The following MGAT5 variants were observed in gnomAD, a reference collection of about 807,000 sequenced individuals.
The protein encoded by MGAT5 is alpha-1,6-mannosylglycoprotein 6-beta-N-acetylglucosaminyltransferase A.
MGAT5 carries 30 observed loss-of-function variants against 94.3 expected under a neutral mutation model. That is an observed-to-expected ratio of 0.32 (90% CI 0.24 to 0.43). The LOEUF is 0.43. Among genes scored for constraint, MGAT5 ranks in the 20% least tolerant of loss-of-function variants. The pLI, the probability that MGAT5 is intolerant of heterozygous loss-of-function variation, is 1.00. For missense variants in MGAT5, 691 were observed against 905.5 expected, an observed-to-expected ratio of 0.76 and a Z score of 3.04; for synonymous variants, 310 against 322.9, an observed-to-expected ratio of 0.96 and a Z score of 0.43.
intron 2 of MGAT5, among the ~76,000 whole-genome samples, chr2:134,302,559 C>A (rs1686082858): frequency 6.6e-6 from 1 of 151,992 alleles, no homozygotes; most frequent in Non-Finnish European, 1.5e-5. Context: ...CAACCTAGAG[C>A]TTCTTTTATT....
intron 6 of MGAT5, among the ~76,000 whole-genome samples, chr2:134,339,485 T>C (rs938925360): frequency 8.5e-5 from 13 of 152,128 alleles, no homozygotes; most frequent in African/African-American, 3.1e-4. Context: ...AAATTAAAAA[T>C]AAAGGAGATG....
At chr2:134,304,219 G>T (rs934914422) in intron 2 of MGAT5, among the ~76,000 whole-genome samples, 1 of 152,144 alleles carries the variant, frequency 6.6e-6, no homozygotes, top group African/African-American at 2.4e-5. Flanking sequence ...ATGCATGCTA[G>T]CTCTTTTCTG....
At chr2:134,221,218 G>A (rs953110190) in intron 1 of MGAT5, among the ~76,000 whole-genome samples, 2 of 152,182 alleles carry the variant, frequency 1.3e-5, no homozygotes, top group Admixed American at 6.5e-5. Flanking sequence ...TTGGTTTTAT[G>A]TATTTTAGGA....
intron 1 of MGAT5, among the ~76,000 whole-genome samples, chr2:134,208,057 G>A (rs1311149189): frequency 1.3e-5 from 2 of 152,076 alleles, no homozygotes; most frequent in African/African-American, 2.4e-5. Context: ...TTGTAGTGAG[G>A]CCTGCCTAGG....
rs753997389 is a variant in MGAT5 at position 134,402,994 on chromosome 2, A to G, written c.1387A>G (p.Lys463Glu). ...GKVDSFWKNK[K>E]IYLDIIHTYM... ...TGCTTGTTTTCTTCTTTAGAATAAG[A>G]AGATCTACTTGGACATTATTCACAC... Residue 463 changes from lysine to glutamate, a missense_variant, in exon 11 of 16, where the codon AAG becomes GAG. Transcript: ENST00000281923. 1.3e-6 allele frequency: 2 copies of G among 1,587,172 alleles called. No individual in the cohort carries two copies. The highest frequency in any genetic ancestry group is 1.4e-5 in the African/African-American group (1 of 73,510).
chr2:134,400,231 G>A (rs745702311), intron 10 of MGAT5, among the ~76,000 whole-genome samples: 38 of 152,198 alleles, frequency 2.5e-4, no homozygotes, highest in Non-Finnish European at 5.0e-4. Context: ...AATAGGCAGC[G>A]TGGTTCATCT....
At chr2:134,191,539 G>A (rs1330385726) in intron 1 of MGAT5, among the ~76,000 whole-genome samples, 1 of 151,416 alleles carries the variant, frequency 6.6e-6, no homozygotes, top group Non-Finnish European at 1.5e-5. Flanking sequence ...CCTTGCGGGA[G>A]CGGGTTCCTG....
chr2:134,323,184 A>T (rs935472), intron 4 of MGAT5, among the ~76,000 whole-genome samples: 1 of 152,106 alleles, frequency 6.6e-6, no homozygotes, highest in Non-Finnish European at 1.5e-5. Flanking sequence ...TCCCAGGAAG[A>T]AAAGCCATCA....
intron 1 of MGAT5, among the ~76,000 whole-genome samples, chr2:134,124,109 C>T (rs149981615): frequency 1.2e-3 from 182 of 152,302 alleles, no homozygotes; most frequent in African/African-American, 3.8e-3. Context: ...GTGCACTGGG[C>T]TGGTGCTGGG....
Position 134,422,786 on chromosome 2 carries a change from G to A in MGAT5, c.1678-17G>A, listed in dbSNP as rs903454387. 4 of 1,605,700 alleles carry A rather than the reference G, an allele frequency of 2.5e-6. No individual in the cohort carries two copies. Among genetic ancestry groups the A allele is most frequent in the African/African-American group, 2.7e-5 (2 of 74,740 alleles). ...TAAAAATTGCTTGTGAGACTGAGGT[G>A]TTCGGTTCTTTTCCAGCTGACATCC... On this transcript the variant is annotated splice_polypyrimidine_tract_variant and intron_variant, in intron 12 of 15. Coordinates refer to ENST00000281923, the MANE Select transcript of MGAT5 (RefSeq NM_002410.5).
intron 1 of MGAT5, among the ~76,000 whole-genome samples, chr2:134,189,602 G>GTTTTTTTTTTTTGTTTTT (rs1553490381): frequency 1.2e-5 from 1 of 84,672 alleles, no homozygotes; most frequent in South Asian, 4.2e-4. Flanking sequence ...GTTTTTTTTT[G>GTTTTTTTTTTTTGTTTTT]TTTTTTTTTT....
At position 134,254,634 on chromosome 2, in the gene MGAT5, G is replaced by A; in HGVS notation, c.231G>A (p.Met77Ile). 1 of 1,614,208 alleles carries A rather than the reference G, an allele frequency of 6.2e-7. No individual in the cohort carries two copies. Among genetic ancestry groups the A allele is most frequent in the Non-Finnish European group, 8.5e-7 (1 of 1,180,036 alleles). Residue 77 changes from methionine (M) to isoleucine (I), a missense_variant, in exon 1 of 16, where the codon ATG becomes ATA. Met to Ile is a conservative substitution (Grantham distance 10). This residue lies in a region of MGAT5 where 307 missense variants were observed against 335.4 expected (regional missense o/e 0.92). Coordinates refer to ENST00000281923, the MANE Select transcript of MGAT5 (RefSeq NM_002410.5). ...NVVDGPYAGV[M>I]TAYDLKKTLA... is the part of the protein sequence containing the mutation. The stretch of plus-strand genomic sequence containing the variant: ...TGGATGGGCCATACGCTGGAGTCAT[G>A]ACAGCTTATGGTAAGCACTGTTTCT...
At chr2:134,313,467 C>G (rs1686818855) in intron 2 of MGAT5, among the ~76,000 whole-genome samples, 1 of 151,456 alleles carries the variant, frequency 6.6e-6, no homozygotes, top group Non-Finnish European at 1.5e-5. Context: ...TTGCCAGTGC[C>G]ATAGGATCAT....
chr2:134,334,400 T>C (rs765757365), intron 4 of MGAT5, among the ~76,000 whole-genome samples: 6 of 151,846 alleles, frequency 4.0e-5, no homozygotes, highest in Admixed American at 6.6e-5. Context: ...CCCATCATGC[T>C]ATTCCTGGGA....
At chr2:134,291,046 T>C (rs1046178813) in intron 2 of MGAT5, among the ~76,000 whole-genome samples, 1 of 152,152 alleles carries the variant, frequency 6.6e-6, no homozygotes, top group African/African-American at 2.4e-5. Flanking sequence ...TTACATGTAA[T>C]GTCAAGGAGT....
intron 13 of MGAT5, among the ~76,000 whole-genome samples, chr2:134,427,569 C>T (rs747695465): frequency 6.6e-6 from 1 of 152,176 alleles, no homozygotes; most frequent in African/African-American, 2.4e-5. Flanking sequence ...TTTTCCACCT[C>T]GTCTCACCAG....
At chr2:134,402,886 C>G in intron 10 of MGAT5, 102 bp from the exon 11 acceptor site, 1 of 1,183,750 alleles carries the variant, frequency 8.4e-7, no homozygotes, top group South Asian at 1.9e-5. Flanking sequence ...ATTAAGAACT[C>G]TCTGTCTGTG....
At chr2:134,327,609 C>A (rs1050836879) in intron 4 of MGAT5, among the ~76,000 whole-genome samples, 5 of 152,044 alleles carry the variant, frequency 3.3e-5, no homozygotes, top group African/African-American at 1.2e-4. Flanking sequence ...AAGAGCATTG[C>A]GCAATTTAAA....
intron 2 of MGAT5, among the ~76,000 whole-genome samples, chr2:134,273,622 CTGTGTGTGTGTGTGTG>C (rs3034326): frequency 6.7e-6 from 1 of 149,792 alleles, no homozygotes; most frequent in East Asian, 2.0e-4. Context: ...GGGGATAGCT[CTGTGTGTGTGTGTGTG>C]TGTGTGTCTG....
Sources: gnomAD v4.1 joint callset for allele counts (sites outside exome capture counted in the v4.1 genomes callset) on GRCh38, gnomAD v4.1.1 for gene constraint, gnomAD v4.1.1 regional missense constraint, MANE v1.5 for transcripts, NCBI Gene and HGNC (gene_info 2026-07-23, HGNC 2026-07-21) for gene names.